Variants in AGAP3 observed in about 807,000 individuals in gnomAD.
AGAP3 encodes the protein arf-GAP with GTPase, ANK repeat and PH domain-containing protein 3.
AGAP3 carries 24 observed loss-of-function variants against 96.9 expected under a neutral mutation model. The ratio of observed to expected loss-of-function variants is 0.25; its 90% confidence interval spans 0.18 to 0.35. AGAP3 has a LOEUF of 0.35. Among genes scored for constraint, AGAP3 ranks in the 10% least tolerant of loss-of-function variants. The pLI, the probability that AGAP3 is intolerant of heterozygous loss-of-function variation, is 1.00. For missense variants in AGAP3, 876 were observed against 1,254.2 expected (o/e 0.70, Z 4.55); for synonymous variants, 563 against 536.1 (o/e 1.05, Z -0.69).
chr7:151,126,167 CG>C (rs527467046), intron 9 of AGAP3, among the ~76,000 whole-genome samples: 1 of 152,082 alleles, frequency 6.6e-6, no homozygotes. Flanking sequence ...TTGCCGAGGA[CG>C]GGGGCGTTCA....
intron 5 of AGAP3, 95 bp downstream of exon 5, chr7:151,117,872 G>T: frequency 6.9e-7 from 1 of 1,456,178 alleles, no homozygotes; most frequent in Admixed American, 2.6e-5. Flanking sequence ...AAGCCCCCAA[G>T]CCCCTACTCT....
chr7:151,128,533 G>T, intron 9 of AGAP3, 47 bp from the exon 10 acceptor site: 2 of 1,554,828 alleles, frequency 1.3e-6, no homozygotes, highest in South Asian at 2.2e-5. Flanking sequence ...CATGCCCTAT[G>T]ACCTAGGGGG....
chr7:151,116,461 C>G (rs956950124), intron 1 of AGAP3: 1 of 392,774 alleles, frequency 2.5e-6, no homozygotes, highest in African/African-American at 2.0e-5. Flanking sequence ...GGTATTTGGG[C>G]CACAGGGGCA....
In AGAP3 at chr7:151,113,023, C is replaced by T. The variant is rs528624810; in HGVS notation, c.332-3770C>T. Among the ~76,000 whole-genome samples the T allele has an allele frequency of 9.9e-5, 15 of 152,278 alleles. No homozygotes were observed. In the South Asian group the frequency reaches 2.1e-3, roughly 21 times the overall value. ...TGTTGGGATTACAGGTGTGAGCCACCGCGCCCGACCCTTTGCTTGCATTTT... is the reference window on the plus strand; with the variant it reads ...TGTTGGGATTACAGGTGTGAGCCACTGCGCCCGACCCTTTGCTTGCATTTT... On this transcript the variant is annotated intron_variant, in intron 1 of 17. Coordinates refer to ENST00000397238, the MANE Select transcript of AGAP3 (RefSeq NM_031946.7).
chr7:151,115,725 G>T, intron 1 of AGAP3: 1 of 885,292 alleles, frequency 1.1e-6, no homozygotes, highest in Non-Finnish European at 1.4e-6. Context: ...GCGAGCTGCC[G>T]CGCGCGTCCG....
At chr7:151,101,189 G>A (rs947047874) in intron 1 of AGAP3, among the ~76,000 whole-genome samples, 6 of 152,244 alleles carry the variant, frequency 3.9e-5, no homozygotes, top group African/African-American at 1.4e-4. Flanking sequence ...GAGTGCTTGA[G>A]CCACCAAGGA....
intron 9 of AGAP3, 52 bp from the exon 10 acceptor site, chr7:151,128,528 C>G (rs372386128): frequency 1.8e-4 from 278 of 1,518,328 alleles, no homozygotes; most frequent in Non-Finnish European, 2.3e-4. Flanking sequence ...CTCCTCATGC[C>G]CTATGACCTA....
rs893566040 is a variant in AGAP3 at position 151,144,050 on chromosome 7, T to C, written c.*107T>C. On this transcript the variant is annotated 3_prime_UTR_variant, in exon 18 of 18. Coordinates refer to ENST00000397238, the MANE Select transcript of AGAP3 (RefSeq NM_031946.7). Reference sequence around the variant, plus strand: ...CAGAGATGGAGAAGCAGGGACATGCTGAGAGGACGAAGCCAAGGAAATTAG... The same window carrying C: ...CAGAGATGGAGAAGCAGGGACATGCCGAGAGGACGAAGCCAAGGAAATTAG... 2.4e-6 allele frequency: 3 copies of C among 1,239,578 alleles called. No individual in the cohort carries two copies. In the African/African-American group the frequency reaches 4.5e-5, roughly 19 times the overall value. 76.8% of individuals were successfully genotyped at this position (1,239,578 alleles called of 1,614,324 possible).
chr7:151,134,734 G>A (rs1439811084), intron 11 of AGAP3, among the ~76,000 whole-genome samples, 166 bp downstream of exon 11: 1 of 152,248 alleles, frequency 6.6e-6, no homozygotes, highest in Non-Finnish European at 1.5e-5. Context: ...AGCCCTCGTG[G>A]AGTTAGTTGA....
chr7:151,140,089 C>A lies in AGAP3; in HGVS notation c.1777C>A (p.Pro593Thr). The A allele has an allele frequency of 6.2e-7, 1 of 1,603,352 alleles. No individual in the cohort carries two copies. The highest frequency in any genetic ancestry group is 8.5e-7 in the Non-Finnish European group (1 of 1,175,386). Residue 593 changes from proline (P) to threonine (T), a missense_variant, in exon 13 of 18, where the codon CCA becomes ACA. Around this residue, in one of 8 missense-constraint regions of AGAP3, gnomAD observed 155 missense variants for 144.4 expected, o/e 1.07. Transcript: ENST00000397238. The surrounding 1 kb of genome is among the most constrained non-coding windows in gnomAD (Gnocchi z 5.4). The part of the protein sequence containing the change: ...RRKKSTGTPR[P>T]DGPSSATEEA... ...GAAAAAGAGCACCGGGACCCCCCGA[C>A]CAGACGGCCCCAGCAGTGCTACTGA...
intron 1 of AGAP3, among the ~76,000 whole-genome samples, chr7:151,109,165 T>A (rs201845126): frequency 3.4e-4 from 47 of 136,262 alleles, no homozygotes; most frequent in South Asian, 4.8e-4. Context: ...CCCACCTCTG[T>A]AAAAAAAAAA....
intron 8 of AGAP3, chr7:151,120,405 C>T: frequency 1.5e-6 from 1 of 673,944 alleles, no homozygotes. Context: ...CTGCCGCACA[C>T]ACTCACCCTC....
chr7:151,099,878 T>C (rs1488528722), intron 1 of AGAP3, among the ~76,000 whole-genome samples: 2 of 152,228 alleles, frequency 1.3e-5, no homozygotes, highest in Non-Finnish European at 2.9e-5. Flanking sequence ...AGAAAGTTTG[T>C]AAACACACAC....
At chr7:151,109,194 A>C (rs917088162) in intron 1 of AGAP3, among the ~76,000 whole-genome samples, 13 of 151,144 alleles carry the variant, frequency 8.6e-5, no homozygotes, top group African/African-American at 3.2e-4. Context: ...AAAACAAAAA[A>C]CAAAGAAAAC....
At chr7:151,116,476 G>A (rs915367311) in intron 1 of AGAP3, 3 of 434,420 alleles carry the variant, frequency 6.9e-6, no homozygotes, top group Non-Finnish European at 8.3e-6. Context: ...GGGGCACTAG[G>A]CCAGGTGTGG....
At position 151,098,894 on chromosome 7, in the gene AGAP3, C is replaced by T. The variant is rs189742065; in HGVS notation, c.331+11822C>T. 9.5e-3 allele frequency among the ~76,000 whole-genome samples: 1,440 copies of T among 151,518 alleles called. 23 individuals are homozygous for T. Among genetic ancestry groups the T allele is most frequent in the African/African-American group, 0.032 (1,344 of 41,398 alleles). ...GATTACAGGTGCATGCCACCACAGC[C>T]GGCTAATTTTTTTGTATTTTTAGTG... On this transcript the variant is annotated intron_variant, in intron 1 of 17. Transcript: ENST00000397238.
At chr7:151,105,297 C>G (rs886790400) in intron 1 of AGAP3, among the ~76,000 whole-genome samples, 2 of 152,108 alleles carry the variant, frequency 1.3e-5, no homozygotes, top group African/African-American at 4.8e-5. Context: ...GTGATGTACA[C>G]TTACTGCAGA....
chr7:151,136,222 ACAG>A (rs1289769012), intron 11 of AGAP3: 1 of 152,216 alleles, frequency 6.6e-6, no homozygotes, highest in African/African-American at 2.4e-5. Flanking sequence ...CCTTTCCTTG[ACAG>A]CAGGGAGCCA....
Position 151,142,044 on chromosome 7 carries a change from A to T in AGAP3, c.1951A>T (p.Lys651Ter). ...CAGCCTGCAAGGCTGCCGCAGTGCC[A>T]AGGACAAGGTGGGTACAGAGTGACT... ...LASLQGCRSA[K>*]DKTRLGNQNA... Residue 651 changes from lysine (K) to a stop codon, truncating the protein, a stop_gained, in exon 14 of 18, where the codon AAG becomes TAG. Coordinates refer to ENST00000397238, the MANE Select transcript of AGAP3 (RefSeq NM_031946.7). LOFTEE classifies it high-confidence loss of function. The surrounding 1 kb of genome is among the most constrained non-coding windows in gnomAD (Gnocchi z 7.5). The T allele has an allele frequency of 6.2e-7, 1 of 1,613,610 alleles. No individual in the cohort carries two copies. The highest frequency in any genetic ancestry group is 8.5e-7 in the Non-Finnish European group (1 of 1,179,724).
Sources: allele counts gnomAD v4.1 joint callset (sites outside exome capture counted in the v4.1 genomes callset), GRCh38; gene constraint gnomAD v4.1.1; regional missense constraint gnomAD v4.1.1; non-coding constraint Gnocchi (gnomAD v3.1); transcripts MANE v1.5; gene names NCBI Gene and HGNC (gene_info 2026-07-23, HGNC 2026-07-21).